ATAD1: variants seen among roughly 807,000 people sequenced by gnomAD.
ATAD1 encodes the protein ATPase family AAA domain containing 1.
In ATAD1, 18 loss-of-function variants were observed where a neutral mutation model predicts 42.7. That is an observed-to-expected ratio of 0.42 (90% CI 0.29 to 0.63). ATAD1 has a LOEUF of 0.63. Among genes scored for constraint, ATAD1 ranks in the 20% least tolerant of loss-of-function variants. ATAD1 has a pLI of 0.19. For missense variants in ATAD1, 294 were observed against 440.4 expected (o/e 0.67, Z 2.98); for synonymous variants, 132 against 143.1 (o/e 0.92, Z 0.55).
chr10:87,792,823 TA>T, intron 2 of ATAD1, 68 bp from the exon 3 acceptor site: 1 of 1,164,214 alleles, frequency 8.6e-7, no homozygotes, highest in Non-Finnish European at 1.3e-6. Context: ...GAAATAGATA[TA>T]TGTGAAGTCT....
intron 6 of ATAD1, among the ~76,000 whole-genome samples, chr10:87,771,326 T>G (rs1025211103): frequency 1.3e-5 from 2 of 152,180 alleles, no homozygotes; most frequent in African/African-American, 4.8e-5. Flanking sequence ...TGAAAAATTA[T>G]TAAAATTTGC....
At chr10:87,795,592 T>C (rs150943607) in intron 2 of ATAD1, among the ~76,000 whole-genome samples, 132 of 152,142 alleles carry the variant, frequency 8.7e-4, no homozygotes, top group African/African-American at 3.0e-3. Flanking sequence ...TATACCCATA[T>C]TTTTTTGACT....
At chr10:87,791,581 A>C (rs986592838) in intron 3 of ATAD1, among the ~76,000 whole-genome samples, 2 of 152,234 alleles carry the variant, frequency 1.3e-5, no homozygotes, top group Non-Finnish European at 2.9e-5. Flanking sequence ...CCAAATTCAA[A>C]TGCAGGCTTA....
chr10:87,765,453 TA>T lies in ATAD1; in HGVS notation c.831+2219del, dbSNP rs570265143. Among the ~76,000 whole-genome samples, 179 of 111,548 alleles carry T rather than the reference TA, an allele frequency of 1.6e-3. 2 individuals carry two copies. The highest frequency in any genetic ancestry group is 5.8e-3 in the Admixed American group (42 of 7,292). 73.2% of individuals were successfully genotyped at this position (111,548 alleles called of 152,430 possible). Reference sequence around the variant, plus strand: ...TAAACTTGGGAGTAGGAAAGGCCTTTAAATTTATATTCAAAATCCAGAAGCC... The same window carrying T: ...TAAACTTGGGAGTAGGAAAGGCCTTTAATTTATATTCAAAATCCAGAAGCC... On this transcript the variant is annotated intron_variant, in intron 8 of 9. Coordinates refer to ENST00000680024, the MANE Select transcript of ATAD1 (RefSeq NM_001321967.2).
chr10:87,823,329 T>C (rs761994631), intron 1 of ATAD1, among the ~76,000 whole-genome samples: 7 of 152,186 alleles, frequency 4.6e-5, no homozygotes, highest in Non-Finnish European at 8.8e-5. Context: ...CAAAAAATGT[T>C]TTCTAGAACT....
rs1206294527 is a variant in ATAD1 at position 87,817,951 on chromosome 10, G to A, written c.-14+216C>T. 9 of 985,502 alleles carry A rather than the reference G, an allele frequency of 9.1e-6. No individual in the cohort carries two copies. The South Asian group carries it at 4.2e-4, about 46-fold the overall frequency. The allele number at this position is 985,502 out of a possible 1,614,324, so 61.0% of individuals were successfully genotyped here. ...TAAGCAGACCCTAAGGGCCCAGGCC[G>A]GGCCGGACGCCAAGGCGAGGCCCGG... On this transcript the variant is annotated intron_variant, in intron 1 of 9. Transcript: ENST00000680024.
At chr10:87,775,282 A>G (rs1281097694) in intron 6 of ATAD1, among the ~76,000 whole-genome samples, 1 of 151,224 alleles carries the variant, frequency 6.6e-6, no homozygotes, top group Admixed American at 6.6e-5. Context: ...TTAGCTGGGC[A>G]TGGTAGTGCA....
chr10:87,817,011 G>T (rs2132076949), intron 1 of ATAD1, among the ~76,000 whole-genome samples: 1 of 152,176 alleles, frequency 6.6e-6, no homozygotes, highest in South Asian at 2.1e-4. Context: ...CCCATAAAAG[G>T]TCAACACACA....
chr10:87,793,120 G>T (rs1190161351), intron 2 of ATAD1, among the ~76,000 whole-genome samples: 1 of 152,176 alleles, frequency 6.6e-6, no homozygotes, highest in Non-Finnish European at 1.5e-5. Context: ...AATCTCAAGA[G>T]GAAAGACAGA....
intron 1 of ATAD1, among the ~76,000 whole-genome samples, chr10:87,838,661 A>T (rs190881843): frequency 6.6e-6 from 1 of 152,206 alleles, no homozygotes; most frequent in Admixed American, 6.5e-5. Context: ...TTAGGATTAG[A>T]TGAGGTCATG....
chr10:87,818,252 G>A (rs1225026645), upstream of ATAD1: 3 of 985,372 alleles, frequency 3.0e-6, no homozygotes, highest in Non-Finnish European at 3.6e-6. Flanking sequence ...GCTTCCGGCG[G>A]GAGGCGCGGC....
chr10:87,789,705 C>T, intron 4 of ATAD1, among the ~76,000 whole-genome samples: 1 of 151,370 alleles, frequency 6.6e-6, no homozygotes, highest in Admixed American at 6.6e-5. Flanking sequence ...TTGGGTGACA[C>T]AGTGAGACCC....
intron 1 of ATAD1, among the ~76,000 whole-genome samples, chr10:87,828,349 G>A (rs1030646809): frequency 2.0e-5 from 3 of 152,174 alleles, no homozygotes; most frequent in Non-Finnish European, 4.4e-5. Flanking sequence ...TGGCTGACAT[G>A]GAGAAAGTTT....
intron 8 of ATAD1, among the ~76,000 whole-genome samples, chr10:87,765,490 T>G (rs906949042): frequency 7.4e-4 from 50 of 67,254 alleles, no homozygotes; most frequent in East Asian, 1.7e-3. Context: ...ATAGGGGGGG[T>G]GGGTGGGGGG....
chr10:87,793,121 G>C (rs988317659), intron 2 of ATAD1, among the ~76,000 whole-genome samples: 1 of 152,156 alleles, frequency 6.6e-6, no homozygotes, highest in African/African-American at 2.4e-5. Context: ...ATCTCAAGAG[G>C]AAAGACAGAG....
intron 6 of ATAD1, among the ~76,000 whole-genome samples, chr10:87,772,105 A>ATATATATATAT (rs1257850806): frequency 6.6e-6 from 1 of 152,248 alleles, no homozygotes; most frequent in Non-Finnish European, 1.5e-5. Context: ...ACAAATTTGA[A>ATATATATATAT]AAATGTTAGT....
chr10:87,808,839 A>C (rs1465915974), intron 2 of ATAD1, among the ~76,000 whole-genome samples: 2 of 152,248 alleles, frequency 1.3e-5, no homozygotes, highest in Non-Finnish European at 2.9e-5. Context: ...ATACCAATTT[A>C]GAAGGGAGAG....
rs1855729305 is a variant in ATAD1, at chr10:87,784,527, C to A, written c.526G>T (p.Ala176Ser). ...AGCTTTATGGCAAGGGAGAAGACAG[C>A]AGCAGCCAATTTCTGAGATTCTCCA... ...WYGESQKLAA[A>S]VFSLAIKLQP... Residue 176 changes from alanine to serine, a missense_variant, in exon 5 of 10, where the codon GCT (alanine) becomes TCT (serine). Physicochemically the swap from Ala to Ser is moderately conservative, Grantham distance 99. Transcript: ENST00000680024. 1.2e-6 allele frequency: 2 copies of A among 1,613,738 alleles called. No individual in the cohort carries two copies. Among genetic ancestry groups the A allele is most frequent in the Non-Finnish European group, 1.7e-6 (2 of 1,179,854 alleles).
At chr10:87,785,578 A>G (rs1240906686) in intron 4 of ATAD1, among the ~76,000 whole-genome samples, 1 of 150,864 alleles carries the variant, frequency 6.6e-6, no homozygotes, top group Non-Finnish European at 1.5e-5. Flanking sequence ...ATGAAACAGT[A>G]TTTTTTAAAA....
Sources: allele counts gnomAD v4.1 joint callset (sites outside exome capture counted in the v4.1 genomes callset), GRCh38; gene constraint gnomAD v4.1.1; transcripts MANE v1.5; gene names NCBI Gene and HGNC (gene_info 2026-07-23, HGNC 2026-07-21).